TCERG1L: variants seen among roughly 807,000 people sequenced by gnomAD.
TCERG1L encodes the protein transcription elongation regulator 1-like protein.
Under a neutral mutation model 56.3 loss-of-function variants are expected in TCERG1L, and 37 were observed. The observed-to-expected ratio is 0.66, with a 90% CI of 0.51 to 0.87. The LOEUF is 0.87. Among genes scored for constraint, TCERG1L ranks in the 40% least tolerant of loss-of-function variants. The pLI is 0.00. For synonymous variants in TCERG1L, 324 were observed against 326.3 expected, an observed-to-expected ratio of 0.99 and a Z score of 0.08; for missense variants, 799 against 774.2, an observed-to-expected ratio of 1.03 and a Z score of -0.38.
chr10:131,110,488 C>T (rs1845399585), intron 9 of TCERG1L, among the ~76,000 whole-genome samples: 1 of 152,308 alleles, frequency 6.6e-6, no homozygotes, highest in East Asian at 1.9e-4. Flanking sequence ...CCAGGTTTAC[C>T]CTGAGCACCC....
intron 4 of TCERG1L, among the ~76,000 whole-genome samples, chr10:131,195,884 A>G (rs1845357333): frequency 6.6e-6 from 1 of 152,228 alleles, no homozygotes; most frequent in Non-Finnish European, 1.5e-5. Context: ...AGGCGAGGCA[A>G]GCACAGCCCC....
At chr10:131,223,208 G>A (rs968515160) in intron 4 of TCERG1L, among the ~76,000 whole-genome samples, 1 of 152,204 alleles carries the variant, frequency 6.6e-6, no homozygotes, top group African/African-American at 2.4e-5. Context: ...CCGCTGGACT[G>A]TGCAGCCTTG....
chr10:131,194,221 CACTGTTCTTGGCGGT>C (rs1212524674), intron 4 of TCERG1L, among the ~76,000 whole-genome samples: 1 of 152,236 alleles, frequency 6.6e-6, no homozygotes, highest in Non-Finnish European at 1.5e-5. Flanking sequence ...ATGTGCCAGG[CACTGTTCTTGGCGGT>C]GCAGAGTGAG....
chr10:131,106,784 T>C (rs1330975729), intron 9 of TCERG1L, among the ~76,000 whole-genome samples: 2 of 152,218 alleles, frequency 1.3e-5, no homozygotes, highest in African/African-American at 4.8e-5. Context: ...TAAAATATTC[T>C]TCATAGAGGT....
chr10:131,167,870 C>G, intron 4 of TCERG1L, among the ~76,000 whole-genome samples: 1 of 152,196 alleles, frequency 6.6e-6, no homozygotes, highest in African/African-American at 2.4e-5. Context: ...CAAGTAGATT[C>G]AGGGAAAAAC....
At chr10:131,142,960 G>C (rs912098345) in intron 7 of TCERG1L, among the ~76,000 whole-genome samples, 1 of 152,114 alleles carries the variant, frequency 6.6e-6, no homozygotes, top group African/African-American at 2.4e-5. Context: ...GAGTGGGAGC[G>C]GGAGGCAGAA....
intron 4 of TCERG1L, among the ~76,000 whole-genome samples, chr10:131,174,652 T>C (rs1846128634): frequency 6.6e-6 from 1 of 152,196 alleles, no homozygotes. Flanking sequence ...TCCTCCTAAA[T>C]TTTTCATGGG....
At chr10:131,183,624 C>A (rs1327140166) in intron 4 of TCERG1L, among the ~76,000 whole-genome samples, 3 of 152,166 alleles carry the variant, frequency 2.0e-5, no homozygotes, top group Admixed American at 1.3e-4. Flanking sequence ...GCTCCCAGAA[C>A]AAGCTCAGAA....
At chr10:131,169,437 C>T (rs777715975) in intron 4 of TCERG1L, among the ~76,000 whole-genome samples, 1 of 152,194 alleles carries the variant, frequency 6.6e-6, no homozygotes. Context: ...CAACGCAAAG[C>T]AGGCCCAAGC....
rs1278397470 is a variant in TCERG1L at position 131,256,988 on chromosome 10, GGAAGGAAAGAAAGAAAGAAA to G, written c.856+3251_856+3270del. 4.9e-3 allele frequency among the ~76,000 whole-genome samples: 353 copies of G among 72,770 alleles called. 1 individual carries two copies. Among genetic ancestry groups the G allele is most frequent in the Non-Finnish European group, 7.6e-3 (260 of 34,290 alleles). 47.7% of individuals were successfully genotyped at this position (72,770 alleles called of 152,430 possible). On this transcript the variant is annotated intron_variant, in intron 4 of 11. Coordinates refer to ENST00000368642, the MANE Select transcript of TCERG1L (RefSeq NM_174937.4). The stretch of plus-strand genomic sequence containing the variant: ...AGGAAGGAAGGAAGGAAGGAAGGAA[GGAAGGAAAGAAAGAAAGAAA>G]GAAAGAAAGAAAGAAAGAAAGAAAG...
At chr10:131,238,022 T>A in intron 4 of TCERG1L, among the ~76,000 whole-genome samples, 1 of 152,204 alleles carries the variant, frequency 6.6e-6, no homozygotes, top group East Asian at 1.9e-4. Flanking sequence ...GGCCGTCTTT[T>A]CAACAAAATA....
chr10:131,106,796 C>A (rs1311511208), intron 9 of TCERG1L, among the ~76,000 whole-genome samples: 2 of 152,178 alleles, frequency 1.3e-5, no homozygotes, highest in Non-Finnish European at 2.9e-5. Flanking sequence ...CATAGAGGTA[C>A]TATTTCAATA....
At chr10:131,307,531 C>T (rs556836569) in intron 3 of TCERG1L, among the ~76,000 whole-genome samples, 1 of 152,170 alleles carries the variant, frequency 6.6e-6, no homozygotes, top group South Asian at 2.1e-4. Flanking sequence ...AATTTTGGCA[C>T]GGGCAGCATT....
In TCERG1L at chr10:131,118,983, C is replaced by T. The variant is rs1389393821; in HGVS notation, c.1260-2049G>A. Among the ~76,000 whole-genome samples, 1 of 152,154 alleles carries T rather than the reference C, an allele frequency of 6.6e-6. No homozygotes were observed. Among genetic ancestry groups the T allele is most frequent in the African/African-American group, 2.4e-5 (1 of 41,436 alleles). On this transcript the variant is annotated intron_variant, in intron 8 of 11. Transcript: ENST00000368642. This position sits in a 1 kb window ranked among gnomAD's most constrained non-coding sequence, Gnocchi z 4.2. ...CTGCAATGCACAGGACAGCCCCCAC[C>T]ACGCAGGCTCATGTGGCCCAAGTGG... is the stretch of plus-strand genomic sequence containing the variant.
chr10:131,111,784 A>G (rs1845415818), intron 9 of TCERG1L, among the ~76,000 whole-genome samples: 1 of 142,834 alleles, frequency 7.0e-6, no homozygotes, highest in Non-Finnish European at 1.6e-5. Context: ...GTAACACTAT[A>G]TTTTTTCATG....
At chr10:131,296,104 T>C (rs1397420724) in intron 3 of TCERG1L, among the ~76,000 whole-genome samples, 3 of 152,220 alleles carry the variant, frequency 2.0e-5, no homozygotes, top group South Asian at 4.1e-4. Context: ...GACCAACAGC[T>C]TTTTTTAAAT....
chr10:131,178,294 G>A (rs961612254), intron 4 of TCERG1L, among the ~76,000 whole-genome samples: 4 of 152,200 alleles, frequency 2.6e-5, no homozygotes, highest in Admixed American at 6.5e-5. Flanking sequence ...AAACAAGGAA[G>A]CCGACTAGCG....
intron 5 of TCERG1L, among the ~76,000 whole-genome samples, chr10:131,165,730 T>G (rs144546475): frequency 2.0e-5 from 3 of 152,162 alleles, no homozygotes; most frequent in Non-Finnish European, 4.4e-5. Context: ...TAATTTGTGA[T>G]GGGGACTAAT....
chr10:131,292,887 G>C (rs2133575284), intron 3 of TCERG1L, among the ~76,000 whole-genome samples: 1 of 146,598 alleles, frequency 6.8e-6, no homozygotes, highest in Admixed American at 6.9e-5. Flanking sequence ...GAATCTTGCT[G>C]TTGTCCAGAC....
Sources: gnomAD v4.1 joint callset for allele counts (sites outside exome capture counted in the v4.1 genomes callset) on GRCh38, gnomAD v4.1.1 for gene constraint, Gnocchi (gnomAD v3.1) non-coding constraint, MANE v1.5 for transcripts, NCBI Gene and HGNC (gene_info 2026-07-23, HGNC 2026-07-21) for gene names.